NECAP2: variants seen among roughly 807,000 people sequenced by gnomAD.
The protein encoded by NECAP2 is adaptin ear-binding coat-associated protein 2.
A neutral mutation model predicts 37.8 loss-of-function variants in NECAP2; 38 were observed. That is an observed-to-expected ratio of 1.01 (90% CI 0.78 to 1.32). The LOEUF (loss-of-function observed/expected upper bound fraction) is 1.32. NECAP2 is among the 40% of genes most tolerant of loss of function. NECAP2 has a pLI of 0.00. For missense variants in NECAP2, 316 were observed against 334.5 expected (o/e 0.94, Z 0.43); for synonymous variants, 121 against 127.7 (o/e 0.95, Z 0.35).
In NECAP2 at chr1:16,449,078, A is replaced by T. The variant is rs1167672091; in HGVS notation, c.381-15A>T. Reference sequence around the variant, plus strand: ...CTCTTCCTTCCTCACCTTTTTCCTCATGTTCTCTCCCCAGGTGGGTGAAAC... The same window carrying T: ...CTCTTCCTTCCTCACCTTTTTCCTCTTGTTCTCTCCCCAGGTGGGTGAAAC... On this transcript the variant is annotated splice_polypyrimidine_tract_variant and intron_variant, in intron 4 of 7. Transcript: ENST00000337132. 7 of 1,587,148 alleles carry T rather than the reference A, an allele frequency of 4.4e-6. No individual in the cohort carries two copies. Among genetic ancestry groups the T allele is most frequent in the Admixed American group, 1.7e-5 (1 of 57,790 alleles).
intron 6 of NECAP2, chr1:16,455,511 C>A: frequency 2.9e-6 from 1 of 344,598 alleles, no homozygotes; most frequent in Non-Finnish European, 5.4e-6. Context: ...ACAAAGTCAG[C>A]TTCAGGTATG....
intron 4 of NECAP2, chr1:16,448,378 C>A: frequency 1.8e-6 from 1 of 562,064 alleles, no homozygotes; most frequent in Non-Finnish European, 3.2e-6. Context: ...ACCTGTCTCC[C>A]CTTACCAGTC....
chr1:16,445,239 ACT>A (rs1215915272), intron 2 of NECAP2, among the ~76,000 whole-genome samples: 1 of 151,900 alleles, frequency 6.6e-6, no homozygotes, highest in Non-Finnish European at 1.5e-5. Context: ...GTCATGTTAG[ACT>A]CTTACTTTCC....
chr1:16,452,241 G>A (rs1168923219), intron 6 of NECAP2, among the ~76,000 whole-genome samples: 2 of 152,194 alleles, frequency 1.3e-5, no homozygotes, highest in Non-Finnish European at 2.9e-5. Flanking sequence ...CCAGGGCTGC[G>A]ACTTGTTAGT....
At position 16,449,089 on chromosome 1, in the gene NECAP2, C is replaced by T; in HGVS notation, c.381-4C>T. Reference sequence around the variant, plus strand: ...TCACCTTTTTCCTCATGTTCTCTCCCCAGGTGGGTGAAACAGCAGTGTGAA... The same window carrying T: ...TCACCTTTTTCCTCATGTTCTCTCCTCAGGTGGGTGAAACAGCAGTGTGAA... On this transcript the variant is annotated splice_polypyrimidine_tract_variant and splice_region_variant and intron_variant, in intron 4 of 7. Coordinates refer to ENST00000337132, the MANE Select transcript of NECAP2 (RefSeq NM_018090.5). The T allele has an allele frequency of 6.2e-7, 1 of 1,607,208 alleles. No individual in the cohort carries two copies. The highest frequency in any genetic ancestry group is 8.5e-7 in the Non-Finnish European group (1 of 1,175,356).
At chr1:16,441,748 A>G (rs956642774) in intron 1 of NECAP2, 1 of 152,180 alleles carries the variant, frequency 6.6e-6, no homozygotes. Context: ...CTGCACCCCA[A>G]GAATGATGGA....
chr1:16,447,805 G>A (rs2086784457), intron 2 of NECAP2, 65 bp from the exon 3 acceptor site: 1 of 1,335,300 alleles, frequency 7.5e-7, no homozygotes, highest in Non-Finnish European at 1.1e-6. Flanking sequence ...GCCCAGTAGT[G>A]TGGTAGAAAA....
chr1:16,457,050 C>T (rs552115118), intron 7 of NECAP2, among the ~76,000 whole-genome samples: 13 of 152,196 alleles, frequency 8.5e-5, no homozygotes, highest in Non-Finnish European at 1.2e-4. Flanking sequence ...CTATTCAGGC[C>T]GTGTGGTCTT....
At position 16,440,850 on chromosome 1, in the gene NECAP2, A is replaced by G. The variant is rs2100937637; in HGVS notation, c.89A>G (p.Tyr30Cys). 1 of 1,613,184 alleles carries G rather than the reference A, an allele frequency of 6.2e-7. No individual in the cohort carries two copies. Among genetic ancestry groups the G allele is most frequent in the Non-Finnish European group, 8.5e-7 (1 of 1,179,110 alleles). Residue 30 changes from tyrosine to cysteine, a missense_variant, in exon 1 of 8, where the codon TAC (tyrosine) becomes TGC (cysteine). By Grantham distance (194) the Tyr-to-Cys change is radical. Coordinates refer to ENST00000337132, the MANE Select transcript of NECAP2 (RefSeq NM_018090.5). Reference protein sequence around the residue: ...RIPPRATNRGYRAAEWQLDQP... With the variant: ...RIPPRATNRGCRAAEWQLDQP... ...CCTCCGCGGGCTACCAACCGTGGCT[A>G]CAGGTGACTACCCACCGCCAGACCA...
In NECAP2 at chr1:16,440,843, C is replaced by T. The variant is rs1205308804; in HGVS notation, c.82C>T (p.Arg28Cys). The change falls in exon 1 of 8, where the codon CGT becomes TGT. Residue 28 changes from arginine to cysteine, a missense_variant. This residue lies in a region of NECAP2 where 81 missense variants were observed against 124.2 expected (regional missense o/e 0.65). Transcript: ENST00000337132. ...VYRIPPRATN[R>C]GYRAAEWQLD... ...CCGCATCCCTCCGCGGGCTACCAAC[C>T]GTGGCTACAGGTGACTACCCACCGC... The T allele has an allele frequency of 1.2e-6, 2 of 1,613,990 alleles. No homozygotes were observed. Among genetic ancestry groups the T allele is most frequent in the South Asian group, 1.1e-5 (1 of 91,082 alleles).
chr1:16,440,927 G>A (rs2086681487), intron 1 of NECAP2, 74 bp downstream of exon 1: 5 of 1,345,630 alleles, frequency 3.7e-6, no homozygotes, highest in Non-Finnish European at 5.3e-6. Flanking sequence ...CCCACTGCGG[G>A]AACCGAGGAC....
In NECAP2 at chr1:16,448,096, G is replaced by T; in HGVS notation, c.335G>T (p.Arg112Leu). The change falls in exon 4 of 8, where the codon CGA becomes CTA. Residue 112 changes from arginine (R) to leucine (L), a missense_variant. This residue lies in a region of NECAP2 where 204 missense variants were observed against 188.6 expected (regional missense o/e 1.08). Transcript: ENST00000337132. ...TTTATTGGAATTGGCTTCGGGGACCGAGGTGATGCCTTTGACTTCAATGTT... is the reference window on the plus strand; with the variant it reads ...TTTATTGGAATTGGCTTCGGGGACCTAGGTGATGCCTTTGACTTCAATGTT... ...RAFIGIGFGDRGDAFDFNVAL... is the reference protein window; with the variant it reads ...RAFIGIGFGDLGDAFDFNVAL... 6.2e-7 allele frequency: 1 copy of T among 1,614,164 alleles called. No homozygotes were observed. Among genetic ancestry groups the T allele is most frequent in the Non-Finnish European group, 8.5e-7 (1 of 1,180,022 alleles).
At chr1:16,454,324 G>A (rs1202032227) in intron 6 of NECAP2, among the ~76,000 whole-genome samples, 1 of 151,428 alleles carries the variant, frequency 6.6e-6, no homozygotes, top group Non-Finnish European at 1.5e-5. Flanking sequence ...CTCCCAAAGT[G>A]CTGGGATTAC....
chr1:16,450,599 G>T (rs1322496262), intron 5 of NECAP2: 1 of 153,984 alleles, frequency 6.5e-6, no homozygotes, highest in Admixed American at 6.5e-5. Flanking sequence ...GAAGTATAAT[G>T]TGCATGTAAA....
chr1:16,457,590 T>C (rs990780411), intron 7 of NECAP2, among the ~76,000 whole-genome samples: 5 of 152,222 alleles, frequency 3.3e-5, no homozygotes, highest in African/African-American at 9.6e-5. Context: ...ACAAAATGTA[T>C]TGCTTTTATA....
Position 16,459,795 on chromosome 1 carries a change from T to G in NECAP2, c.*905T>G, listed in dbSNP as rs2086988565. The G allele has an allele frequency of 6.6e-6, 1 of 152,230 alleles. No individual in the cohort carries two copies. The highest frequency in any genetic ancestry group is 2.4e-5 in the African/African-American group (1 of 41,454). 9.4% of individuals were successfully genotyped at this position (152,230 alleles called of 1,614,324 possible). A position where few individuals can be genotyped will look rare whatever the true frequency, so the allele number is the denominator to read the frequency against. On this transcript the variant is annotated 3_prime_UTR_variant, in exon 8 of 8. Transcript: ENST00000337132. ...AGTGCAGCTCCTGGCAGACTTGGGTTTTCTCTTTGGTGGTTTCTAAAGTGC... is the reference window on the plus strand; with the variant it reads ...AGTGCAGCTCCTGGCAGACTTGGGTGTTCTCTTTGGTGGTTTCTAAAGTGC...
intron 7 of NECAP2, 53 bp downstream of exon 7, chr1:16,455,946 A>G: frequency 7.3e-7 from 1 of 1,365,916 alleles, no homozygotes; most frequent in Non-Finnish European, 1.0e-6. Flanking sequence ...GTTGCTCTAC[A>G]AACCTGGTAT....
At position 16,451,949 on chromosome 1, in the gene NECAP2, C is replaced by G; in HGVS notation, c.601C>G (p.Pro201Ala). 1 of 1,613,184 alleles carries G rather than the reference C, an allele frequency of 6.2e-7. No homozygotes were observed. The highest frequency in any genetic ancestry group is 2.2e-5 in the East Asian group (1 of 44,840). Residue 201 changes from proline (P) to alanine (A), a missense_variant, in exon 6 of 8, where the codon CCT (proline) becomes GCT (alanine). By Grantham distance (27) the Pro-to-Ala change is conservative. Transcript: ENST00000337132. ...PPGGKTSTLI[P>A]PPGEQLAVGG... Reference sequence around the variant, plus strand: ...AGGGGGGAAAACCTCCACCCTGATCCCTCCCCCTGGGGAGCAGTTGGCTGT... The same window carrying G: ...AGGGGGGAAAACCTCCACCCTGATCGCTCCCCCTGGGGAGCAGTTGGCTGT...
chr1:16,452,904 C>G (rs2086867385), intron 6 of NECAP2, among the ~76,000 whole-genome samples: 1 of 152,050 alleles, frequency 6.6e-6, no homozygotes, highest in African/African-American at 2.4e-5. Flanking sequence ...TTTACTGATT[C>G]CTAAGCCTCC....
Sources: allele counts gnomAD v4.1 joint callset (sites outside exome capture counted in the v4.1 genomes callset), GRCh38; gene constraint gnomAD v4.1.1; regional missense constraint gnomAD v4.1.1; transcripts MANE v1.5; gene names NCBI Gene and HGNC (gene_info 2026-07-23, HGNC 2026-07-21).